Variants in GLIS3 observed in about 807,000 individuals in gnomAD.
GLIS3 encodes the protein zinc finger protein GLIS3.
GLIS3 carries 53 observed loss-of-function variants against 78.6 expected under a neutral mutation model. The ratio of observed to expected loss-of-function variants is 0.67; its 90% CI spans 0.54 to 0.85. GLIS3 has a LOEUF of 0.85. Among genes scored for constraint, GLIS3 ranks in the 40% least tolerant of loss-of-function variants. GLIS3 has a pLI of 0.00. For synonymous variants in GLIS3, 684 were observed against 509.9 expected (o/e 1.34, Z -4.60); for missense variants, 1,703 against 1,231.1 (o/e 1.38, Z -5.74).
intron 2 of GLIS3, among the ~76,000 whole-genome samples, chr9:4,171,234 A>G (rs1238636514): frequency 6.6e-6 from 1 of 152,192 alleles, no homozygotes; most frequent in African/African-American, 2.4e-5. Context: ...CTTCACCATA[A>G]CAGTATAAAG....
chr9:4,458,357 G>C, the GLIS3 span, among the ~76,000 whole-genome samples: 6 of 152,318 alleles, frequency 3.9e-5, no homozygotes, highest in East Asian at 1.9e-4. Context: ...GGTGTGGAGA[G>C]AGTCAAATAA....
chr9:3,957,216 C>T (rs1817178258), intron 4 of GLIS3, among the ~76,000 whole-genome samples: 1 of 152,120 alleles, frequency 6.6e-6, no homozygotes, highest in African/African-American at 2.4e-5. Flanking sequence ...GGTGTGGAGC[C>T]CTTTCCCGAG....
chr9:4,206,566 C>A (rs948349911), intron 2 of GLIS3, among the ~76,000 whole-genome samples: 18 of 152,212 alleles, frequency 1.2e-4, no homozygotes, highest in African/African-American at 4.3e-4. Context: ...ATTCCCTGAT[C>A]TCTGAGGTCA....
chr9:3,871,932 C>T (rs6476725), intron 8 of GLIS3, among the ~76,000 whole-genome samples: 151,043 of 152,352 alleles, frequency 0.99, 74,890 homozygotes, highest in Middle Eastern at 1. Flanking sequence ...TTTCAAACTT[C>T]TATGCTCTGT....
At chr9:4,195,242 C>A (rs544915667) in intron 2 of GLIS3, among the ~76,000 whole-genome samples, 18 of 112,128 alleles carry the variant, frequency 1.6e-4, no homozygotes, top group African/African-American at 8.4e-4. Flanking sequence ...GTGGGAGCCC[C>A]TGTCTGGGCT....
chr9:4,125,509 C>T (rs1443532011), intron 3 of GLIS3, among the ~76,000 whole-genome samples: 1 of 152,044 alleles, frequency 6.6e-6, no homozygotes, highest in Non-Finnish European at 1.5e-5. Flanking sequence ...TCACTCACAC[C>T]ACAAGACAGT....
At chr9:4,342,884 T>C (rs549683905) in intron 2 of GLIS3, among the ~76,000 whole-genome samples, 1 of 152,366 alleles carries the variant, frequency 6.6e-6, no homozygotes, top group African/African-American at 2.4e-5. Context: ...GTTCTTGATT[T>C]GGCTCTCAGC....
chr9:3,929,869 G>T (rs1277739201), intron 6 of GLIS3, among the ~76,000 whole-genome samples: 1 of 151,922 alleles, frequency 6.6e-6, no homozygotes, highest in African/African-American at 2.4e-5. Context: ...TGCCTTAAAA[G>T]GTTTATTGTT....
chr9:4,401,562 CCTTT>C, the GLIS3 span, among the ~76,000 whole-genome samples: 1 of 147,260 alleles, frequency 6.8e-6, no homozygotes, highest in Non-Finnish European at 1.5e-5. Context: ...CCGTGCCTGT[CCTTT>C]CTTTCTTTTT....
the GLIS3 span, among the ~76,000 whole-genome samples, chr9:4,478,926 T>C: frequency 6.6e-6 from 1 of 152,210 alleles, no homozygotes; most frequent in Non-Finnish European, 1.5e-5. Flanking sequence ...AGCAAACCTC[T>C]ACATCTAACT....
chr9:3,988,136 TGAAAG>T (rs1296306047), intron 4 of GLIS3, among the ~76,000 whole-genome samples: 3 of 152,204 alleles, frequency 2.0e-5, no homozygotes, highest in South Asian at 4.1e-4. Context: ...TTTCAAGTGG[TGAAAG>T]GAGAGACTTG....
chr9:3,916,873 T>G (rs1327783458), intron 6 of GLIS3, among the ~76,000 whole-genome samples: 1 of 152,192 alleles, frequency 6.6e-6, no homozygotes, highest in Non-Finnish European at 1.5e-5. Flanking sequence ...TTAAAAATCC[T>G]TTTTCTTTGT....
At chr9:4,414,452 C>A in the GLIS3 span, among the ~76,000 whole-genome samples, 1 of 152,230 alleles carries the variant, frequency 6.6e-6, no homozygotes, top group African/African-American at 2.4e-5. Flanking sequence ...CCTTACACCT[C>A]GGTTGAACCT....
Position 4,230,027 on chromosome 9 carries a change from G to A in GLIS3, c.388+56011C>T, listed in dbSNP as rs181378362. 4.6e-5 allele frequency among the ~76,000 whole-genome samples: 7 copies of A among 152,300 alleles called. No individual in the cohort carries two copies. In the East Asian group the frequency reaches 7.7e-4, roughly 17 times the overall value. On this transcript the variant is annotated intron_variant, in intron 2 of 10. Coordinates refer to ENST00000381971, the MANE Select transcript of GLIS3 (RefSeq NM_001042413.2). Reference sequence around the variant, plus strand: ...GGAAGAGAAGGAGGAAAGGACAGGAGACAGCAATAAAATAGTTCCTTGGCA... The same window carrying A: ...GGAAGAGAAGGAGGAAAGGACAGGAAACAGCAATAAAATAGTTCCTTGGCA...
At chr9:4,187,059 A>C (rs186367825) in intron 2 of GLIS3, among the ~76,000 whole-genome samples, 229 of 152,300 alleles carry the variant, frequency 1.5e-3, no homozygotes, top group Middle Eastern at 6.8e-3. Context: ...TTTAGACATG[A>C]AGTCCTTGCC....
intron 4 of GLIS3, among the ~76,000 whole-genome samples, chr9:4,092,902 A>C (rs114254485): frequency 0.013 from 2,052 of 152,326 alleles, 42 homozygotes; most frequent in African/African-American, 0.044. Context: ...ATTTTTATAC[A>C]ACTGGCAGTG....
intron 4 of GLIS3, among the ~76,000 whole-genome samples, chr9:4,025,264 A>G (rs1274497199): frequency 6.6e-6 from 1 of 152,296 alleles, no homozygotes. Context: ...AAAAAAGAAA[A>G]GAAAAGAACG....
At chr9:4,461,672 A>T in the GLIS3 span, among the ~76,000 whole-genome samples, 1 of 152,166 alleles carries the variant, frequency 6.6e-6, no homozygotes, top group South Asian at 2.1e-4. Flanking sequence ...GAAAGAAAAT[A>T]ATATGTACAT....
chr9:3,964,187 CA>C (rs952215117), intron 4 of GLIS3, among the ~76,000 whole-genome samples: 4 of 152,086 alleles, frequency 2.6e-5, no homozygotes, highest in African/African-American at 9.7e-5. Flanking sequence ...TTTACAGAAT[CA>C]TCATAAATGC....
Sources: gnomAD v4.1 joint callset for allele counts (sites outside exome capture counted in the v4.1 genomes callset) on GRCh38, gnomAD v4.1.1 for gene constraint, MANE v1.5 for transcripts, NCBI Gene and HGNC (gene_info 2026-07-23, HGNC 2026-07-21) for gene names.